Variants in WDR7 observed in about 807,000 individuals in gnomAD.
WDR7 encodes the protein WD repeat domain 7.
Under a neutral mutation model 169.4 loss-of-function variants are expected in WDR7, and 46 were observed. The ratio of observed to expected loss-of-function variants is 0.27; its 90% CI spans 0.21 to 0.35. The LOEUF (loss-of-function observed/expected upper bound fraction) is 0.35, where lower values mean the gene tolerates loss of function less well. Among genes scored for constraint, WDR7 ranks in the 10% least tolerant of loss-of-function variants. The pLI is 1.00. For missense variants in WDR7, 1,534 were observed against 1,859.3 expected (o/e 0.83, Z 3.22); for synonymous variants, 612 against 666.8 (o/e 0.92, Z 1.27).
At chr18:56,855,626 C>G (rs1006861113) in intron 20 of WDR7, among the ~76,000 whole-genome samples, 2 of 151,880 alleles carry the variant, frequency 1.3e-5, no homozygotes, top group African/African-American at 4.8e-5. Flanking sequence ...ATATCTGGAC[C>G]CTGGGGGGTT....
chr18:56,704,428 A>G (rs1340091231), intron 12 of WDR7, among the ~76,000 whole-genome samples: 1 of 150,854 alleles, frequency 6.6e-6, no homozygotes, highest in Non-Finnish European at 1.5e-5. Flanking sequence ...AGTTCTAGCT[A>G]CTTGGGAGGC....
At chr18:56,833,502 T>A (rs2045349656) in intron 20 of WDR7, among the ~76,000 whole-genome samples, 1 of 152,160 alleles carries the variant, frequency 6.6e-6, no homozygotes, top group South Asian at 2.1e-4. Flanking sequence ...ATATCTAAAG[T>A]CCTCTAGGTT....
intron 26 of WDR7, among the ~76,000 whole-genome samples, chr18:56,971,931 T>G (rs574271159): frequency 2.0e-5 from 3 of 152,350 alleles, no homozygotes; most frequent in Non-Finnish European, 4.4e-5. Context: ...ACATTTCTTA[T>G]CTGTGATTTA....
intron 19 of WDR7, among the ~76,000 whole-genome samples, chr18:56,813,042 A>T (rs1483110827): frequency 1.9e-5 from 1 of 52,678 alleles, no homozygotes. Context: ...GGGTCGGGGG[A>T]GGGGGGAGGG....
chr18:56,666,199 G>GTT (rs1568126024), intron 1 of WDR7, among the ~76,000 whole-genome samples: 1 of 33,254 alleles, frequency 3.0e-5, no homozygotes, highest in Non-Finnish European at 8.0e-5. Context: ...TCATTCCTTC[G>GTT]TCTTTTTTTT....
intron 27 of WDR7, among the ~76,000 whole-genome samples, chr18:57,024,967 C>G (rs1347620913): frequency 6.6e-6 from 1 of 151,968 alleles, no homozygotes; most frequent in African/African-American, 2.4e-5. Context: ...GCTATTTGAC[C>G]TGACCAAAGG....
intron 21 of WDR7, among the ~76,000 whole-genome samples, chr18:56,916,987 G>A (rs190372978): frequency 3.1e-3 from 468 of 152,250 alleles, no homozygotes; most frequent in Non-Finnish European, 5.2e-3. Context: ...CATGAGGTTA[G>A]GAGTTCGAGA....
chr18:56,708,246 C>A (rs1455203651), intron 12 of WDR7, among the ~76,000 whole-genome samples: 1 of 151,940 alleles, frequency 6.6e-6, no homozygotes, highest in South Asian at 2.1e-4. Context: ...GTTGGCCAGG[C>A]TGGTCTCAAA....
intron 25 of WDR7, among the ~76,000 whole-genome samples, chr18:56,940,175 C>T (rs2047015231): frequency 1.3e-5 from 2 of 152,064 alleles, no homozygotes; most frequent in South Asian, 4.1e-4. Flanking sequence ...ACCAGTTATT[C>T]ATAGTTATAT....
At chr18:56,734,543 C>G (rs1256757204) in intron 14 of WDR7, among the ~76,000 whole-genome samples, 1 of 148,864 alleles carries the variant, frequency 6.7e-6, no homozygotes, top group African/African-American at 2.5e-5. Flanking sequence ...AAAAAAAAAG[C>G]TTGAAATAGC....
chr18:56,732,155 T>C (rs931799638), intron 14 of WDR7, among the ~76,000 whole-genome samples: 1 of 152,220 alleles, frequency 6.6e-6, no homozygotes, highest in African/African-American at 2.4e-5. Context: ...AAGTTACTTC[T>C]TCAGTTAACA....
Position 56,962,433 on chromosome 18 carries a change from C to T in WDR7, c.4068C>T (p.Phe1356=), listed in dbSNP as rs2047350571. 1 of 1,612,658 alleles carries T rather than the reference C, an allele frequency of 6.2e-7. No individual in the cohort carries two copies. Among genetic ancestry groups the T allele is most frequent in the African/African-American group, 1.3e-5 (1 of 74,848 alleles). ...GTTGTTAAAATGTTCAACTCAGGTTCTACATGGTCAGCTATTATGAGCGGA... is the reference window on the plus strand; with the variant it reads ...GTTGTTAAAATGTTCAACTCAGGTTTTACATGGTCAGCTATTATGAGCGGA... ...LQECFPAICR[F]YMVSYYERNH... is the part of the protein sequence containing the mutation. Residue 1356 remains phenylalanine (F), a synonymous_variant, in exon 26 of 28, where the codon TTC becomes TTT. Transcript: ENST00000254442.
intron 12 of WDR7, among the ~76,000 whole-genome samples, chr18:56,705,783 G>A (rs1329110213): frequency 1.3e-5 from 2 of 152,208 alleles, no homozygotes; most frequent in Non-Finnish European, 2.9e-5. Flanking sequence ...CAGATCACAA[G>A]GTCAAGAGAT....
intron 26 of WDR7, among the ~76,000 whole-genome samples, chr18:56,994,758 A>C (rs765699517): frequency 7.9e-5 from 12 of 152,216 alleles, no homozygotes; most frequent in Non-Finnish European, 1.5e-4. Context: ...ATCCCATTGC[A>C]TGCTACTCTA....
intron 21 of WDR7, among the ~76,000 whole-genome samples, chr18:56,903,971 T>A (rs1316113165): frequency 6.6e-6 from 1 of 152,186 alleles, no homozygotes; most frequent in Non-Finnish European, 1.5e-5. Context: ...GCTTAACCTT[T>A]AAAGTGCGGT....
chr18:56,697,113 G>T (rs2144647093), intron 12 of WDR7, among the ~76,000 whole-genome samples: 1 of 152,134 alleles, frequency 6.6e-6, no homozygotes, highest in South Asian at 2.1e-4. Flanking sequence ...CATGTGATTA[G>T]TCATCTTTGT....
At chr18:56,760,033 C>T (rs1161921593) in intron 16 of WDR7, among the ~76,000 whole-genome samples, 1 of 152,122 alleles carries the variant, frequency 6.6e-6, no homozygotes, top group Admixed American at 6.5e-5. Context: ...TCACCCTTCT[C>T]ATTTCTCTGA....
At chr18:56,669,082 G>A (rs558896177) in intron 1 of WDR7, among the ~76,000 whole-genome samples, 1 of 152,152 alleles carries the variant, frequency 6.6e-6, no homozygotes, top group African/African-American at 2.4e-5. Context: ...AGATCACATA[G>A]AAGGGCCAGG....
intron 1 of WDR7, among the ~76,000 whole-genome samples, chr18:56,661,586 G>A (rs1275175869): frequency 6.6e-6 from 1 of 152,070 alleles, no homozygotes; most frequent in African/African-American, 2.4e-5. Flanking sequence ...CGAACACTGG[G>A]GCTTCCTTTA....
Sources: gnomAD v4.1 joint callset for allele counts (sites outside exome capture counted in the v4.1 genomes callset) on GRCh38, gnomAD v4.1.1 for gene constraint, MANE v1.5 for transcripts, NCBI Gene and HGNC (gene_info 2026-07-23, HGNC 2026-07-21) for gene names.